Variants in RGS7 observed in about 807,000 individuals in gnomAD.
RGS7 encodes regulator of G-protein signaling 7.
RGS7 carries 27 observed loss-of-function variants against 81.1 expected under a neutral mutation model. That is an observed-to-expected ratio of 0.33 (90% CI 0.25 to 0.46). The LOEUF (loss-of-function observed/expected upper bound fraction) is 0.46. RGS7 is among the 20% of genes least tolerant of loss of function. The pLI, the probability that RGS7 is intolerant of heterozygous loss-of-function variation, is 1.00. For missense variants in RGS7, 396 were observed against 607.4 expected (o/e 0.65, Z 3.66); for synonymous variants, 208 against 207.7 (o/e 1.00, Z -0.01).
At chr1:241,248,789 G>A (rs551809455) in intron 2 of RGS7, among the ~76,000 whole-genome samples, 1 of 152,254 alleles carries the variant, frequency 6.6e-6, no homozygotes, top group Admixed American at 6.5e-5. Context: ...CGGATGAGTG[G>A]AGAAGGCAGA....
intron 2 of RGS7, among the ~76,000 whole-genome samples, chr1:241,156,827 T>C (rs897999899): frequency 3.3e-5 from 5 of 152,208 alleles, no homozygotes; most frequent in African/African-American, 1.2e-4. Context: ...AGATCCATTC[T>C]GATTGTGGAG....
chr1:240,916,291 A>T (rs1672611533), intron 6 of RGS7, among the ~76,000 whole-genome samples: 1 of 141,524 alleles, frequency 7.1e-6, no homozygotes, highest in Non-Finnish European at 1.5e-5. Context: ...AAAAAAAAAA[A>T]AATAGAGAGA....
intron 6 of RGS7, among the ~76,000 whole-genome samples, chr1:240,907,783 G>A (rs551976849): frequency 4.7e-4 from 71 of 152,198 alleles, no homozygotes; most frequent in Non-Finnish European, 8.1e-4. Flanking sequence ...TTGAAGCAAT[G>A]ACAAGATAAG....
chr1:241,226,002 G>C (rs1486234931), intron 2 of RGS7, among the ~76,000 whole-genome samples: 1 of 152,132 alleles, frequency 6.6e-6, no homozygotes, highest in Admixed American at 6.5e-5. Context: ...TGGGCTTGGA[G>C]CCAGGAGAAA....
intron 10 of RGS7, among the ~76,000 whole-genome samples, chr1:240,825,772 A>C (rs1207027901): frequency 1.3e-5 from 2 of 152,214 alleles, no homozygotes; most frequent in African/African-American, 2.4e-5. Flanking sequence ...GAAGGGTGCC[A>C]TGTGAAACAC....
At chr1:240,910,680 A>T (rs1228829957) in intron 6 of RGS7, among the ~76,000 whole-genome samples, 9 of 152,190 alleles carry the variant, frequency 5.9e-5, no homozygotes, top group Non-Finnish European at 1.2e-4. Flanking sequence ...GTATTGCAAC[A>T]TCACTATGTA....
At chr1:241,199,625 T>C (rs2147844716) in intron 2 of RGS7, among the ~76,000 whole-genome samples, 1 of 150,044 alleles carries the variant, frequency 6.7e-6, no homozygotes, top group Middle Eastern at 3.4e-3. Flanking sequence ...GTGAGGATTT[T>C]AATGGAATGA....
At chr1:241,228,426 A>C (rs2075451871) in intron 2 of RGS7, among the ~76,000 whole-genome samples, 1 of 152,230 alleles carries the variant, frequency 6.6e-6, no homozygotes, top group Admixed American at 6.5e-5. Flanking sequence ...TTTGTTACAC[A>C]TAAAAAAAAT....
intron 1 of RGS7, among the ~76,000 whole-genome samples, 163 bp from the exon 2 acceptor site, chr1:241,355,989 C>G (rs578093972): frequency 3.3e-5 from 5 of 152,310 alleles, no homozygotes; most frequent in African/African-American, 1.2e-4. Flanking sequence ...TTGACACCTA[C>G]AATAACCTCA....
chr1:241,038,971 A>C (rs12080736), intron 3 of RGS7, among the ~76,000 whole-genome samples: 3,631 of 152,108 alleles, frequency 0.024, 157 homozygotes, highest in African/African-American at 0.082. Flanking sequence ...TGTTGAAAAG[A>C]AATAGAAAGA....
intron 2 of RGS7, among the ~76,000 whole-genome samples, chr1:241,133,791 C>G (rs1407617492): frequency 6.6e-6 from 1 of 152,136 alleles, no homozygotes; most frequent in Non-Finnish European, 1.5e-5. Flanking sequence ...CAGTTAATAC[C>G]AAGTTTAGGT....
At chr1:241,270,830 T>C (rs1040870003) in intron 2 of RGS7, among the ~76,000 whole-genome samples, 3 of 150,198 alleles carry the variant, frequency 2.0e-5, no homozygotes, top group Non-Finnish European at 4.4e-5. Context: ...GCCATCTTGG[T>C]TCACTGCAAG....
intron 6 of RGS7, among the ~76,000 whole-genome samples, chr1:240,873,794 A>G (rs1335930035): frequency 6.6e-6 from 1 of 152,246 alleles, no homozygotes; most frequent in Non-Finnish European, 1.5e-5. Context: ...CTAGAACTAC[A>G]AAAGTCCAAT....
At chr1:241,199,223 G>A (rs370070164) in intron 2 of RGS7, among the ~76,000 whole-genome samples, 16 of 152,126 alleles carry the variant, frequency 1.1e-4, no homozygotes, top group African/African-American at 3.1e-4. Flanking sequence ...TCGGGAGGCC[G>A]AGGCGGGCGG....
chr1:240,836,493 G>C (rs935494982), intron 9 of RGS7, among the ~76,000 whole-genome samples: 2 of 152,120 alleles, frequency 1.3e-5, no homozygotes, highest in Non-Finnish European at 2.9e-5. Flanking sequence ...CTTGCTGATG[G>C]GTTTTGTCTG....
At chr1:240,998,583 T>C in intron 3 of RGS7, 1 of 834,038 alleles carries the variant, frequency 1.2e-6, no homozygotes, top group Non-Finnish European at 2.0e-6. Context: ...TAGAGCCAGC[T>C]GCTGGACCAG....
At chr1:241,066,653 C>T (rs568040539) in intron 3 of RGS7, among the ~76,000 whole-genome samples, 1 of 152,320 alleles carries the variant, frequency 6.6e-6, no homozygotes, top group Admixed American at 6.5e-5. Flanking sequence ...TTTCCTCTCG[C>T]TCCTCAAATT....
At chr1:241,201,435 T>C (rs2073486975) in intron 2 of RGS7, among the ~76,000 whole-genome samples, 1 of 152,086 alleles carries the variant, frequency 6.6e-6, no homozygotes. Flanking sequence ...CACCATGAAA[T>C]AGCATCATAC....
At chr1:241,022,664 A>T (rs2059599014) in intron 3 of RGS7, among the ~76,000 whole-genome samples, 2 of 152,054 alleles carry the variant, frequency 1.3e-5, no homozygotes, top group Non-Finnish European at 2.9e-5. Context: ...CACCCTACCC[A>T]CCAAATTATC....
Sources: allele counts gnomAD v4.1 joint callset (sites outside exome capture counted in the v4.1 genomes callset), GRCh38; gene constraint gnomAD v4.1.1; transcripts MANE v1.5; gene names NCBI Gene and HGNC (gene_info 2026-07-23, HGNC 2026-07-21).